LINGO2: variants seen among roughly 807,000 people sequenced by gnomAD.
LINGO2 encodes leucine-rich repeat and immunoglobulin-like domain-containing nogo receptor-interacting protein 2.
A neutral mutation model predicts 30.6 loss-of-function variants in LINGO2; 14 were observed. That is an observed-to-expected ratio of 0.46 (90% CI 0.30 to 0.72). The LOEUF is 0.72. LINGO2 is among the 30% of genes least tolerant of loss of function. The probability of loss-of-function intolerance (pLI) is 0.07; values close to 1 mark genes in which losing one functional copy is unlikely to be tolerated. For synonymous variants in LINGO2, 317 were observed against 288.5 expected (o/e 1.10, Z -1.00); for missense variants, 729 against 751.7 (o/e 0.97, Z 0.35).
the LINGO2 span, among the ~76,000 whole-genome samples, chr9:29,208,867 C>T: frequency 6.6e-6 from 1 of 152,102 alleles, no homozygotes; most frequent in Non-Finnish European, 1.5e-5. Context: ...TTCATGCTGC[C>T]TCCCAGTGGC....
At chr9:28,033,630 G>A (rs1369617990) in intron 4 of LINGO2, among the ~76,000 whole-genome samples, 1 of 151,864 alleles carries the variant, frequency 6.6e-6, no homozygotes, top group Non-Finnish European at 1.5e-5. Context: ...TTTTGAGGAT[G>A]GATTACTTTT....
the LINGO2 span, among the ~76,000 whole-genome samples, chr9:28,809,468 G>A: frequency 6.6e-6 from 1 of 152,280 alleles, no homozygotes; most frequent in East Asian, 1.9e-4. Context: ...TAGGATGGCT[G>A]GGCGTGGTGG....
the LINGO2 span, among the ~76,000 whole-genome samples, chr9:28,727,741 T>C: frequency 1.3e-5 from 2 of 152,112 alleles, no homozygotes; most frequent in Non-Finnish European, 2.9e-5. Context: ...GGGAAGGCTG[T>C]AGTTTGGAAG....
At chr9:29,020,795 C>A in the LINGO2 span, among the ~76,000 whole-genome samples, 2 of 151,990 alleles carry the variant, frequency 1.3e-5, no homozygotes, top group African/African-American at 4.8e-5. Context: ...CAATGGTATA[C>A]AAGACAGCCA....
At chr9:27,944,515 G>T (rs989630809), downstream of LINGO2, 2 of 152,030 alleles carry the variant, frequency 1.3e-5, no homozygotes, top group African/African-American at 4.8e-5. Flanking sequence ...AACGAAAATA[G>T]AAAATTCAAA....
chr9:28,790,325 C>CTTTCTTTTTTTTTTTTTT, the LINGO2 span, among the ~76,000 whole-genome samples: 7 of 106,270 alleles, frequency 6.6e-5, 1 homozygote, highest in African/African-American at 2.7e-4. Flanking sequence ...TCTTTTCTTT[C>CTTTCTTTTTTTTTTTTTT]TTTTTTTTTT....
At chr9:28,699,692 C>G in the LINGO2 span, among the ~76,000 whole-genome samples, 1 of 151,888 alleles carries the variant, frequency 6.6e-6, no homozygotes, top group East Asian at 1.9e-4. Context: ...GAAGATATTG[C>G]TAAATTCTTT....
intron 4 of LINGO2, among the ~76,000 whole-genome samples, chr9:28,207,667 C>T (rs145830601): frequency 3.3e-5 from 5 of 152,118 alleles, no homozygotes; most frequent in East Asian, 1.9e-4. Context: ...AAGGTACCTA[C>T]GTTTGAAGTT....
chr9:28,028,294 C>T (rs77258512), intron 4 of LINGO2, among the ~76,000 whole-genome samples: 9,914 of 152,170 alleles, frequency 0.065, 412 homozygotes, highest in Non-Finnish European at 0.094. Context: ...AGGTGCAATG[C>T]CATCATATAA....
chr9:28,725,969 A>G, the LINGO2 span, among the ~76,000 whole-genome samples: 1 of 152,138 alleles, frequency 6.6e-6, no homozygotes, highest in Non-Finnish European at 1.5e-5. Flanking sequence ...ATCCAATGTA[A>G]TATATCAAAT....
rs533981446 is a variant in LINGO2 at position 27,964,673 on chromosome 9, G to A, written c.-35-13967C>T. On this transcript the variant is annotated intron_variant, in intron 5 of 5. Coordinates refer to ENST00000379992, the Ensembl canonical transcript of LINGO2. Reference sequence around the variant, plus strand: ...AGAAAATTGTTATTTAATTGGAACTGTGCTATAGATAACTTAATGTCCTCT... The same window carrying A: ...AGAAAATTGTTATTTAATTGGAACTATGCTATAGATAACTTAATGTCCTCT... 3.9e-5 allele frequency among the ~76,000 whole-genome samples: 6 copies of A among 152,186 alleles called. No individual in the cohort carries two copies. In the South Asian group the frequency reaches 1.2e-3, roughly 32 times the overall value.
At chr9:29,013,796 C>T in the LINGO2 span, among the ~76,000 whole-genome samples, 1 of 151,998 alleles carries the variant, frequency 6.6e-6, no homozygotes, top group East Asian at 1.9e-4. Context: ...TATATGGATG[C>T]CCATGATATA....
intron 5 of LINGO2, among the ~76,000 whole-genome samples, chr9:27,985,187 T>C (rs996075556): frequency 1.3e-5 from 2 of 151,850 alleles, no homozygotes; most frequent in Admixed American, 1.3e-4. Flanking sequence ...ACAACATGAG[T>C]GTCATAACAC....
chr9:28,526,978 A>G lies in LINGO2; in HGVS notation c.-364-50953T>C, dbSNP rs143872767. On this transcript the variant is annotated intron_variant, in intron 1 of 5. Coordinates refer to ENST00000379992, the Ensembl canonical transcript of LINGO2. ...TTAAAGAATGAGCCATCTTTTTATG[A>G]ATTAAATATTACATTATTATATTAA... Among the ~76,000 whole-genome samples the G allele has an allele frequency of 2.0e-5, 3 of 152,300 alleles. No homozygotes were observed. The East Asian group carries it at 5.8e-4, about 29-fold the overall frequency.
At chr9:28,512,825 G>C (rs911951011) in intron 1 of LINGO2, among the ~76,000 whole-genome samples, 1 of 151,352 alleles carries the variant, frequency 6.6e-6, no homozygotes, top group African/African-American at 2.4e-5. Flanking sequence ...TTTGAGGGCA[G>C]GAAGCATCTA....
chr9:28,968,200 T>C, the LINGO2 span, among the ~76,000 whole-genome samples: 3 of 152,166 alleles, frequency 2.0e-5, no homozygotes, highest in Admixed American at 6.5e-5. Context: ...GATAAATAAT[T>C]AAACAGATCT....
chr9:29,025,090 CT>C, the LINGO2 span, among the ~76,000 whole-genome samples: 77 of 151,874 alleles, frequency 5.1e-4, 1 homozygote, highest in South Asian at 0.012. Flanking sequence ...GAAAATGTTC[CT>C]TTCACAGATT....
intron 1 of LINGO2, among the ~76,000 whole-genome samples, chr9:28,665,406 C>T (rs1482590384): frequency 2.6e-5 from 4 of 152,068 alleles, no homozygotes; most frequent in Non-Finnish European, 4.4e-5. Context: ...TCCACACACA[C>T]ACATGCAAAT....
chr9:28,587,153 A>G (rs946500801), intron 1 of LINGO2, among the ~76,000 whole-genome samples: 2 of 151,962 alleles, frequency 1.3e-5, no homozygotes, highest in African/African-American at 4.8e-5. Flanking sequence ...TGAGGGGAAA[A>G]AACACTGACC....
Sources: gnomAD v4.1 joint callset for allele counts (sites outside exome capture counted in the v4.1 genomes callset) on GRCh38, gnomAD v4.1.1 for gene constraint, MANE v1.5 for transcripts, NCBI Gene and HGNC (gene_info 2026-07-23, HGNC 2026-07-21) for gene names.